The following GAL3ST4 variants were observed in gnomAD, a reference collection of about 807,000 sequenced individuals.
The protein encoded by GAL3ST4 is beta-galactose-3-O-sulfotransferase 4.
GAL3ST4 carries 30 observed loss-of-function variants against 31.6 expected under a neutral mutation model. That is an observed-to-expected ratio of 0.95 (90% confidence interval 0.71 to 1.29). The LOEUF is 1.29. GAL3ST4 is among the 50% of genes most tolerant of loss of function. The pLI, the probability that GAL3ST4 is intolerant of heterozygous loss-of-function variation, is 0.00. For synonymous variants in GAL3ST4, 248 were observed against 256.9 expected, an observed-to-expected ratio of 0.97 and a Z score of 0.33; for missense variants, 629 against 625.2, an observed-to-expected ratio of 1.01 and a Z score of -0.06.
chr7:100,166,797 C>A lies in GAL3ST4; in HGVS notation c.134G>T (p.Gly45Val). 1 of 1,603,542 alleles carries A rather than the reference C, an allele frequency of 6.2e-7. No homozygotes were observed. The highest frequency in any genetic ancestry group is 1.1e-5 in the South Asian group (1 of 90,162). ...GGCCGAGGGCTGTCGGAGCTGTAGC[C>A]CAGGTAGCCTGGGAAGAGATGGAGG... ...LGGPFQRRLP[G>V]LQLRQPSAPS... Residue 45 changes from glycine (G) to valine (V), a missense_variant, in exon 3 of 4, where the codon GGG becomes GTG. By Grantham distance (109) the Gly-to-Val change is moderately radical. Transcript: ENST00000360039.
At chr7:100,164,937 C>T (rs1391778675) in intron 3 of GAL3ST4, among the ~76,000 whole-genome samples, 2 of 150,360 alleles carry the variant, frequency 1.3e-5, no homozygotes, top group East Asian at 2.0e-4. Context: ...TGCAGTGGCA[C>T]GATCTCAGCT....
At chr7:100,166,356 G>T (rs1799072442) in intron 3 of GAL3ST4, 146 bp downstream of exon 3, 2 of 776,248 alleles carry the variant, frequency 2.6e-6, no homozygotes, top group Admixed American at 2.6e-5. Flanking sequence ...AGAGAGGATG[G>T]CAGGGAGCCC....
chr7:100,160,991 C>T, intron 3 of GAL3ST4, 32 bp from the exon 4 acceptor site: 5 of 1,535,472 alleles, frequency 3.3e-6, no homozygotes, highest in Non-Finnish European at 4.4e-6. Context: ...AGAGAGAGAA[C>T]TGGGCTGGGG....
In GAL3ST4 at chr7:100,159,794, C is replaced by A; in HGVS notation, c.*134G>T. The A allele has an allele frequency of 1.4e-6, 1 of 732,716 alleles. No homozygotes were observed. The highest frequency in any genetic ancestry group is 2.2e-6 in the Non-Finnish European group (1 of 452,360). 45.4% of individuals were successfully genotyped at this position (732,716 alleles called of 1,614,324 possible). Reference sequence around the variant, plus strand: ...GAGGGAAGCACTGCTGGGAGCCCAGCGAAGAGGGGGCTTGCATCGGGACAA... The same window carrying A: ...GAGGGAAGCACTGCTGGGAGCCCAGAGAAGAGGGGGCTTGCATCGGGACAA... On this transcript the variant is annotated 3_prime_UTR_variant, in exon 4 of 4. Coordinates refer to ENST00000360039, the MANE Select transcript of GAL3ST4 (RefSeq NM_024637.5).
chr7:100,165,860 G>C (rs868726059), intron 3 of GAL3ST4, among the ~76,000 whole-genome samples: 104 of 81,482 alleles, frequency 1.3e-3, no homozygotes, highest in Admixed American at 2.5e-3. Context: ...CACACACACA[G>C]GCTGGGCAAG....
chr7:100,166,966 C>G lies in GAL3ST4; in HGVS notation c.125+5G>C, dbSNP rs1799084813. On this transcript the variant is annotated splice_donor_5th_base_variant and intron_variant, in intron 2 of 3. Coordinates refer to ENST00000360039, the MANE Select transcript of GAL3ST4 (RefSeq NM_024637.5). ...AGAAGGAGTTGGGGCAAAGTGGGAACTCACCTCCTCTGGAAGGGCCCTCCC... is the reference window on the plus strand; with the variant it reads ...AGAAGGAGTTGGGGCAAAGTGGGAAGTCACCTCCTCTGGAAGGGCCCTCCC... 6.3e-7 allele frequency: 1 copy of G among 1,593,028 alleles called. No homozygotes were observed. Among genetic ancestry groups the G allele is most frequent in the East Asian group, 2.3e-5 (1 of 44,278 alleles).
In GAL3ST4 at chr7:100,160,618, A is replaced by G; in HGVS notation, c.771T>C (p.Asn257=). 1 of 1,613,808 alleles carries G rather than the reference A, an allele frequency of 6.2e-7. No homozygotes were observed. Among genetic ancestry groups the G allele is most frequent in the Non-Finnish European group, 8.5e-7 (1 of 1,180,030 alleles). ...AGPRAQTLNP[N]ALIHPVSTVT... ...CAGTGGAAACAGGATGGATGAGGGC[A>G]TTGGGATTGAGGGTTTGGGCTCGAG... is the stretch of plus-strand genomic sequence containing the variant. The change falls in exon 4 of 4, where the codon AAT becomes AAC. Residue 257 remains asparagine (N), a synonymous_variant. Transcript: ENST00000360039.
chr7:100,167,723 C>G (rs1285951507), intron 1 of GAL3ST4: 1 of 154,326 alleles, frequency 6.5e-6, no homozygotes, highest in African/African-American at 2.4e-5. Context: ...GAGGATCAGA[C>G]AGGACACAGG....
In GAL3ST4 at chr7:100,167,069, C is replaced by T. The variant is rs780231928; in HGVS notation, c.27G>A (p.Thr9=). Residue 9 remains threonine (T), a synonymous_variant, in exon 2 of 4, where the codon ACG becomes ACA. Coordinates refer to ENST00000360039, the MANE Select transcript of GAL3ST4 (RefSeq NM_024637.5). ...GGCTCCGAGGTCCCCAGAGCCGCAG[C>T]GTCCTGGCAGGAGAGAGAGGGCCCA... MGPLSPAR[T]LRLWGPRSLG... 1.9e-5 allele frequency: 29 copies of T among 1,556,410 alleles called. No individual in the cohort carries two copies. The highest frequency in any genetic ancestry group is 2.2e-5 in the Non-Finnish European group (25 of 1,149,410).
intron 3 of GAL3ST4, among the ~76,000 whole-genome samples, chr7:100,164,940 TCTC>T (rs1427828259): frequency 6.6e-6 from 1 of 150,464 alleles, no homozygotes; most frequent in Non-Finnish European, 1.5e-5. Context: ...AGTGGCACGA[TCTC>T]AGCTCACTGC....
chr7:100,165,360 A>T (rs1014805478), intron 3 of GAL3ST4, among the ~76,000 whole-genome samples: 1 of 152,020 alleles, frequency 6.6e-6, no homozygotes, highest in East Asian at 1.9e-4. Context: ...TAGTAGAGAC[A>T]GGGTTTCACC....
At position 100,160,284 on chromosome 7, in the gene GAL3ST4, G is replaced by T. The variant is rs756814311; in HGVS notation, c.1105C>A (p.Leu369Ile). The T allele has an allele frequency of 1.9e-6, 3 of 1,613,956 alleles. No individual in the cohort carries two copies. The highest frequency in any genetic ancestry group is 2.5e-6 in the Non-Finnish European group (3 of 1,179,962). The change falls in exon 4 of 4, where the codon CTC becomes ATC. Residue 369 changes from leucine to isoleucine, a missense_variant. Transcript: ENST00000360039. ...AGACTGCGGTTGAAGTGGACATAGA[G>T]AGCCCAGTCCAGGTTGTTCCAGGCT... ...ARAWNNLDWA[L>I]YVHFNRSLWA...
chr7:100,161,581 G>A (rs550864070), intron 3 of GAL3ST4, among the ~76,000 whole-genome samples: 2 of 151,566 alleles, frequency 1.3e-5, no homozygotes, highest in East Asian at 3.9e-4. Flanking sequence ...AGCCCAGGAG[G>A]CGGAGGTTGC....
Position 100,160,692 on chromosome 7 carries a change from T to TG in GAL3ST4, c.696dup (p.Arg233GlnfsTer36). ...TGCAGCTGTGGGGGGTTGGGGTCTC[T>TG]GGGGGGATGAATATTCCCTCTCTTG... is the stretch of plus-strand genomic sequence containing the variant. On this transcript the variant is annotated frameshift_variant, in exon 4 of 4. Transcript: ENST00000360039. LOFTEE classifies it low-confidence loss of function (END_TRUNC). 1 of 1,613,604 alleles carries TG rather than the reference T, an allele frequency of 6.2e-7. No homozygotes were observed. The highest frequency in any genetic ancestry group is 8.5e-7 in the Non-Finnish European group (1 of 1,179,886).
Position 100,162,501 on chromosome 7 carries a change from C to T in GAL3ST4, c.430-1542G>A, listed in dbSNP as rs1328711259. Among the ~76,000 whole-genome samples the T allele has an allele frequency of 6.8e-4, 100 of 147,602 alleles. 1 individual carries two copies. Among genetic ancestry groups the T allele is most frequent in the African/African-American group, 2.4e-3 (94 of 39,850 alleles). ...CAGAGGTTGCAGTGAGCCGAGATCGCGCCACTGCACTCCAGCCTGGGCAGC... is the reference window on the plus strand; with the variant it reads ...CAGAGGTTGCAGTGAGCCGAGATCGTGCCACTGCACTCCAGCCTGGGCAGC... On this transcript the variant is annotated intron_variant, in intron 3 of 3. Transcript: ENST00000360039.
chr7:100,166,612 A>G lies in GAL3ST4; in HGVS notation c.319T>C (p.Tyr107His). The change falls in exon 3 of 4, where the codon TAC (tyrosine) becomes CAC (histidine). Residue 107 changes from tyrosine (Y) to histidine (H), a missense_variant. By Grantham distance (83) the Tyr-to-His change is moderately conservative. Transcript: ENST00000360039. Reference sequence around the variant, plus strand: ...CTAGAGGCCTGGAAGAGCTTTGGGTAGCCAAACTGGTAGCGGGCAGGGAGG... The same window carrying G: ...CTAGAGGCCTGGAAGAGCTTTGGGTGGCCAAACTGGTAGCGGGCAGGGAGG... ...FALPARYQFG[Y>H]PKLFQASRVK... 3 of 1,614,224 alleles carry G rather than the reference A, an allele frequency of 1.9e-6. No homozygotes were observed. The highest frequency in any genetic ancestry group is 1.6e-4 in the Middle Eastern group (1 of 6,062).
chr7:100,167,088 G>A lies in GAL3ST4; in HGVS notation c.8C>T (p.Pro3Leu), dbSNP rs1459711182. ...CCGCAGCGTCCTGGCAGGAGAGAGA[G>A]GGCCCATGTGGCACAGGGAAGGGTG... MG[P>L]LSPARTLRLW... Residue 3 changes from proline to leucine, a missense_variant, in exon 2 of 4, where the codon CCT becomes CTT. Coordinates refer to ENST00000360039, the MANE Select transcript of GAL3ST4 (RefSeq NM_024637.5). 3 of 1,554,218 alleles carry A rather than the reference G, an allele frequency of 1.9e-6. No individual in the cohort carries two copies. Among genetic ancestry groups the A allele is most frequent in the African/African-American group, 1.4e-5 (1 of 73,472 alleles).
chr7:100,163,874 C>T (rs1799037890), intron 3 of GAL3ST4, among the ~76,000 whole-genome samples: 1 of 152,160 alleles, frequency 6.6e-6, no homozygotes, highest in Admixed American at 6.6e-5. Flanking sequence ...GCGAAGAAAA[C>T]AGTCTTTGGC....
chr7:100,162,919 C>T (rs769509703), intron 3 of GAL3ST4, among the ~76,000 whole-genome samples: 22 of 151,900 alleles, frequency 1.4e-4, no homozygotes, highest in Non-Finnish European at 2.9e-4. Flanking sequence ...AAGGGAGGGA[C>T]GGAAACCTGG....
Sources: gnomAD v4.1 joint callset for allele counts (sites outside exome capture counted in the v4.1 genomes callset) on GRCh38, gnomAD v4.1.1 for gene constraint, MANE v1.5 for transcripts, NCBI Gene and HGNC (gene_info 2026-07-23, HGNC 2026-07-21) for gene names.